The following CNTN3 variants were observed in gnomAD, a reference collection of about 807,000 sequenced individuals.
CNTN3 encodes the protein contactin 3.
Under a neutral mutation model 119.1 loss-of-function variants are expected in CNTN3, and 60 were observed. The ratio of observed to expected loss-of-function variants is 0.50; its 90% CI spans 0.41 to 0.62. CNTN3 has a LOEUF of 0.62. Ranked by LOEUF, CNTN3 falls within the 20% of genes least tolerant of loss-of-function variation. The pLI is 0.00. For synonymous variants in CNTN3, 450 were observed against 438.7 expected (o/e 1.03, Z -0.32); for missense variants, 1,101 against 1,242.4 (o/e 0.89, Z 1.71).
At chr3:74,560,871 G>A (rs1323835794) in intron 1 of CNTN3, among the ~76,000 whole-genome samples, 1 of 151,946 alleles carries the variant, frequency 6.6e-6, no homozygotes, top group Non-Finnish European at 1.5e-5. Flanking sequence ...CATGTCCTTT[G>A]TAGGGACATG....
chr3:74,299,231 G>T (rs528464896), intron 17 of CNTN3, among the ~76,000 whole-genome samples: 1 of 152,022 alleles, frequency 6.6e-6, no homozygotes, highest in African/African-American at 2.4e-5. Context: ...AAATATTAAC[G>T]AATTAAACTC....
At position 74,334,794 on chromosome 3, in the gene CNTN3, A is replaced by G; in HGVS notation, c.1609T>C (p.Phe537Leu). The G allele has an allele frequency of 6.2e-7, 1 of 1,613,686 alleles. No homozygotes were observed. ...PLLDIIFTWY[F>L]NGALADFKKD... ...TTAAAATCTGCAAGGGCCCCATTGA[A>G]ATACCAGGTAAAGATGATGTCTAAC... Residue 537 changes from phenylalanine (F) to leucine (L), a missense_variant, in exon 13 of 23, where the codon TTC (phenylalanine) becomes CTC (leucine). Coordinates refer to ENST00000263665, the MANE Select transcript of CNTN3 (RefSeq NM_020872.3).
intron 5 of CNTN3, among the ~76,000 whole-genome samples, chr3:74,414,191 TAA>T (rs1241003297): frequency 6.6e-6 from 1 of 152,132 alleles, no homozygotes; most frequent in Non-Finnish European, 1.5e-5. Flanking sequence ...AGCATTTTTG[TAA>T]AAGTTTTTTT....
intron 4 of CNTN3, among the ~76,000 whole-genome samples, chr3:74,460,816 TATGC>T (rs1225651491): frequency 4.9e-4 from 63 of 128,170 alleles, no homozygotes; most frequent in African/African-American, 1.8e-3. Flanking sequence ...TATATATATA[TATGC>T]CTTTCATTTC....
At chr3:74,408,462 G>A (rs1464424374) in intron 5 of CNTN3, among the ~76,000 whole-genome samples, 1 of 152,104 alleles carries the variant, frequency 6.6e-6, no homozygotes, top group South Asian at 2.1e-4. Flanking sequence ...AGGAGGCAGT[G>A]CATGTGTTAA....
intron 11 of CNTN3, among the ~76,000 whole-genome samples, chr3:74,339,049 T>C (rs1421009040): frequency 6.6e-6 from 1 of 152,098 alleles, no homozygotes; most frequent in Non-Finnish European, 1.5e-5. Flanking sequence ...CAACAAAGAT[T>C]TTCCTAATGA....
At chr3:74,552,703 T>C (rs1333558454) in intron 1 of CNTN3, among the ~76,000 whole-genome samples, 1 of 152,156 alleles carries the variant, frequency 6.6e-6, no homozygotes, top group Non-Finnish European at 1.5e-5. Flanking sequence ...TCCCCACATG[T>C]ACAAAAGGGG....
chr3:74,457,264 T>A (rs532612841), intron 4 of CNTN3, among the ~76,000 whole-genome samples: 1 of 152,126 alleles, frequency 6.6e-6, no homozygotes, highest in South Asian at 2.1e-4. Flanking sequence ...TCTAATTTAC[T>A]CCTAATGGGA....
chr3:74,366,809 A>ATATATATATATATAC (rs1704206489), intron 8 of CNTN3, among the ~76,000 whole-genome samples: 1 of 25,460 alleles, frequency 3.9e-5, no homozygotes, highest in Admixed American at 3.8e-4. Flanking sequence ...TATATATATA[A>ATATATATATATATAC]CTTGCTCAGT....
chr3:74,507,671 A>T (rs1348776851), intron 2 of CNTN3, among the ~76,000 whole-genome samples: 3 of 128,678 alleles, frequency 2.3e-5, no homozygotes, highest in African/African-American at 9.2e-5. Context: ...TTGTTCTGTC[A>T]CGCAGGCTGC....
chr3:74,292,073 T>C (rs1472825707), intron 19 of CNTN3, among the ~76,000 whole-genome samples: 2 of 148,126 alleles, frequency 1.4e-5, no homozygotes, highest in African/African-American at 2.5e-5. Flanking sequence ...CCTAATGGCC[T>C]GAAGTTTTGA....
At chr3:74,613,803 G>A (rs1321801220) in intron 1 of CNTN3, among the ~76,000 whole-genome samples, 2 of 152,172 alleles carry the variant, frequency 1.3e-5, no homozygotes, top group South Asian at 2.1e-4. Context: ...TGAAACCAGG[G>A]TCCGAGCTCA....
intron 8 of CNTN3, 75 bp downstream of exon 8, chr3:74,369,114 C>T: frequency 8.6e-7 from 1 of 1,156,150 alleles, no homozygotes; most frequent in Admixed American, 3.0e-5. Flanking sequence ...AATCTCTCAC[C>T]CCTAAATAAC....
chr3:74,452,423 G>A (rs376809157), intron 4 of CNTN3, among the ~76,000 whole-genome samples: 1,774 of 143,238 alleles, frequency 0.012, 29 homozygotes, highest in African/African-American at 0.043. Context: ...GGGCTGAGAC[G>A]ATGGGGTTTT....
At chr3:74,602,320 A>T (rs1358922701) in intron 1 of CNTN3, among the ~76,000 whole-genome samples, 3 of 151,202 alleles carry the variant, frequency 2.0e-5, no homozygotes, top group Non-Finnish European at 3.0e-5. Flanking sequence ...AAAAAAAAAA[A>T]AAGAACAAAC....
chr3:74,348,408 T>C (rs975899403), intron 11 of CNTN3, among the ~76,000 whole-genome samples: 1 of 152,192 alleles, frequency 6.6e-6, no homozygotes, highest in Admixed American at 6.5e-5. Context: ...AGCTTGTGAC[T>C]CACTGGTCAC....
chr3:74,372,877 A>T (rs1704375912), intron 5 of CNTN3, among the ~76,000 whole-genome samples: 1 of 152,190 alleles, frequency 6.6e-6, no homozygotes, highest in Non-Finnish European at 1.5e-5. Context: ...TAGAGTGAAG[A>T]ACATGAGAAA....
intron 1 of CNTN3, among the ~76,000 whole-genome samples, chr3:74,606,034 T>G (rs1353462373): frequency 6.6e-6 from 1 of 151,818 alleles, no homozygotes; most frequent in Admixed American, 6.6e-5. Flanking sequence ...CATCCTGCCC[T>G]CTCCCCTCAA....
chr3:74,340,040 C>T (rs1318956864), intron 11 of CNTN3, among the ~76,000 whole-genome samples: 1 of 151,994 alleles, frequency 6.6e-6, no homozygotes, highest in Non-Finnish European at 1.5e-5. Context: ...AATAACAATA[C>T]AGCAATAAAA....
Sources: gnomAD v4.1 joint callset for allele counts (sites outside exome capture counted in the v4.1 genomes callset) on GRCh38, gnomAD v4.1.1 for gene constraint, MANE v1.5 for transcripts, NCBI Gene and HGNC (gene_info 2026-07-23, HGNC 2026-07-21) for gene names.